ELL2: variants seen among roughly 807,000 people sequenced by gnomAD.
The protein encoded by ELL2 is RNA polymerase II elongation factor ELL2.
A neutral mutation model predicts 72.8 loss-of-function variants in ELL2; 21 were observed. That is an observed-to-expected ratio of 0.29 (90% CI 0.20 to 0.42). ELL2 has a LOEUF of 0.42. ELL2 is among the 10% of genes least tolerant of loss of function. The probability of loss-of-function intolerance (pLI) is 1.00; values close to 1 mark genes in which losing one functional copy is unlikely to be tolerated. For missense variants in ELL2, 568 were observed against 772.8 expected (o/e 0.73, Z 3.14); for synonymous variants, 266 against 283.2 (o/e 0.94, Z 0.61).
intron 1 of ELL2, among the ~76,000 whole-genome samples, chr5:95,955,671 G>C (rs1580542596): frequency 6.6e-6 from 1 of 152,200 alleles, no homozygotes; most frequent in African/African-American, 2.4e-5. Context: ...GTAAATTTGT[G>C]CATAAGTTAT....
intron 1 of ELL2, among the ~76,000 whole-genome samples, chr5:95,953,847 A>C (rs778683992): frequency 6.6e-6 from 1 of 152,212 alleles, no homozygotes; most frequent in Non-Finnish European, 1.5e-5. Flanking sequence ...CGTTATATAG[A>C]GTTACTTACG....
At chr5:95,899,861 C>A (rs2112278527) in intron 7 of ELL2, among the ~76,000 whole-genome samples, 1 of 152,010 alleles carries the variant, frequency 6.6e-6, no homozygotes, top group East Asian at 1.9e-4. Flanking sequence ...TTTCCTTTTT[C>A]TTTTTTGTTC....
At chr5:95,894,886 T>G (rs1748809708) in intron 9 of ELL2, among the ~76,000 whole-genome samples, 1 of 152,234 alleles carries the variant, frequency 6.6e-6, no homozygotes, top group African/African-American at 2.4e-5. Flanking sequence ...CCCTTTTACA[T>G]TCTAGCTATT....
At chr5:95,927,400 TACACACACGTGTGTATATAG>T in intron 2 of ELL2, among the ~76,000 whole-genome samples, 1 of 29,462 alleles carries the variant, frequency 3.4e-5, no homozygotes, top group Non-Finnish European at 5.6e-5. Context: ...TATATAGACA[TACACACACGTGTGTATATAG>T]ACATACACAC....
chr5:95,952,014 CGAGTTATTTTT>C (rs1223445775), intron 1 of ELL2, among the ~76,000 whole-genome samples: 6 of 151,972 alleles, frequency 3.9e-5, no homozygotes, highest in Admixed American at 6.6e-5. Context: ...AGTAAAATCA[CGAGTTATTTTT>C]AGAAACAGCG....
chr5:95,917,005 G>A (rs1749836813), intron 3 of ELL2, among the ~76,000 whole-genome samples: 1 of 152,202 alleles, frequency 6.6e-6, no homozygotes, highest in African/African-American at 2.4e-5. Context: ...AAACGCTGTA[G>A]GCAAGAAGGT....
At chr5:95,913,575 G>A (rs1176735101) in intron 4 of ELL2, 196 bp downstream of exon 4, 2 of 502,732 alleles carry the variant, frequency 4.0e-6, no homozygotes, top group African/African-American at 4.0e-5. Context: ...GAAAGTCATA[G>A]AACTTTAAAA....
At chr5:95,955,660 G>A (rs908709333) in intron 1 of ELL2, among the ~76,000 whole-genome samples, 4 of 152,174 alleles carry the variant, frequency 2.6e-5, no homozygotes, top group East Asian at 1.9e-4. Flanking sequence ...CCAGAACTGC[G>A]GTAAATTTGT....
intron 1 of ELL2, among the ~76,000 whole-genome samples, chr5:95,956,528 G>T (rs1238444608): frequency 4.6e-5 from 7 of 152,178 alleles, no homozygotes; most frequent in African/African-American, 1.7e-4. Flanking sequence ...TGGCAGGTCT[G>T]GATGCTCAAG....
At chr5:95,922,372 T>A (rs1206988856) in intron 2 of ELL2, among the ~76,000 whole-genome samples, 3 of 152,238 alleles carry the variant, frequency 2.0e-5, no homozygotes, top group Non-Finnish European at 4.4e-5. Context: ...TAAATTGCAT[T>A]TTTAAAAGGT....
intron 2 of ELL2, among the ~76,000 whole-genome samples, chr5:95,935,252 C>T (rs1750731772): frequency 6.6e-6 from 1 of 152,120 alleles, no homozygotes; most frequent in African/African-American, 2.4e-5. Context: ...CTTCTGCCTG[C>T]TTAGAGTTAT....
intron 2 of ELL2, among the ~76,000 whole-genome samples, chr5:95,934,489 C>T (rs1344918869): frequency 1.3e-5 from 2 of 152,148 alleles, no homozygotes; most frequent in African/African-American, 2.4e-5. Context: ...CTTTACAATG[C>T]CACTGCTCCA....
intron 5 of ELL2, among the ~76,000 whole-genome samples, chr5:95,903,628 T>C (rs371133695): frequency 1.3e-5 from 2 of 152,158 alleles, no homozygotes; most frequent in East Asian, 3.8e-4. Flanking sequence ...CTCATTCTGT[T>C]CATTTCCTCC....
At chr5:95,926,673 G>A (rs974287013) in intron 2 of ELL2, among the ~76,000 whole-genome samples, 3 of 152,106 alleles carry the variant, frequency 2.0e-5, no homozygotes, top group African/African-American at 7.2e-5. Context: ...GAGTATAGCA[G>A]CCTAATACTG....
chr5:95,918,966 G>A (rs1749941322), intron 3 of ELL2, among the ~76,000 whole-genome samples: 1 of 148,932 alleles, frequency 6.7e-6, no homozygotes, highest in South Asian at 2.1e-4. Flanking sequence ...GAATAAAGAT[G>A]TTTAAAAATC....
rs560764518 is a variant in ELL2, at chr5:95,933,509, TA to T, written c.195+9492del. Among the ~76,000 whole-genome samples, 585 of 152,118 alleles carry T rather than the reference TA, an allele frequency of 3.8e-3. 5 individuals are homozygous for T. Among genetic ancestry groups the T allele is most frequent in the African/African-American group, 0.013 (553 of 41,520 alleles). On this transcript the variant is annotated intron_variant, in intron 2 of 11. Coordinates refer to ENST00000237853, the MANE Select transcript of ELL2 (RefSeq NM_012081.6). ...ATACATGCTAAATGAAAAAAGAATA[TA>T]AAAAAGCAATAAACACATTAAGCCT...
chr5:95,932,280 C>T (rs987116510), intron 2 of ELL2, among the ~76,000 whole-genome samples: 1 of 152,066 alleles, frequency 6.6e-6, no homozygotes, highest in Non-Finnish European at 1.5e-5. Context: ...AAGAGGTTGG[C>T]ATGTCTGATG....
intron 4 of ELL2, among the ~76,000 whole-genome samples, chr5:95,912,061 T>G (rs1244891967): frequency 3.3e-5 from 5 of 152,220 alleles, no homozygotes; most frequent in African/African-American, 1.2e-4. Flanking sequence ...CCAAAATGTA[T>G]GTAAATTATT....
chr5:95,924,525 G>C (rs1290385895), intron 2 of ELL2, among the ~76,000 whole-genome samples: 1 of 152,140 alleles, frequency 6.6e-6, no homozygotes, highest in Non-Finnish European at 1.5e-5. Context: ...TCACAATCTT[G>C]AATTTTTAGC....
Sources: gnomAD v4.1 joint callset for allele counts (sites outside exome capture counted in the v4.1 genomes callset) on GRCh38, gnomAD v4.1.1 for gene constraint, MANE v1.5 for transcripts, NCBI Gene and HGNC (gene_info 2026-07-23, HGNC 2026-07-21) for gene names.